Variants in PCDHGA8 observed in about 807,000 individuals in gnomAD.
PCDHGA8 encodes the protein protocadherin gamma-A8.
In PCDHGA8, 45 loss-of-function variants were observed where a neutral mutation model predicts 59.2. That is an observed-to-expected ratio of 0.76 (90% CI 0.60 to 0.98). PCDHGA8 has a LOEUF of 0.98. Ranked by LOEUF, PCDHGA8 falls within the 50% of genes least tolerant of loss-of-function variation. The pLI, the probability that PCDHGA8 is intolerant of heterozygous loss-of-function variation, is 0.00. For synonymous variants in PCDHGA8, 531 were observed against 519.0 expected (o/e 1.02, Z -0.32); for missense variants, 1,257 against 1,196.2 (o/e 1.05, Z -0.75).
At chr5:141,398,811 C>T (rs1231007055) in intron 1 of PCDHGA8, 4 of 1,613,862 alleles carry the variant, frequency 2.5e-6, no homozygotes, top group Non-Finnish European at 3.4e-6. Context: ...CCACTGAGCT[C>T]CGGATCCAGG....
At chr5:141,425,069 A>G (rs771114613) in intron 1 of PCDHGA8, among the ~76,000 whole-genome samples, 1 of 152,170 alleles carries the variant, frequency 6.6e-6, no homozygotes. Context: ...GACAAAAATA[A>G]TTTCAACTGT....
chr5:141,482,763 T>TGC (rs2099571981), intron 1 of PCDHGA8, among the ~76,000 whole-genome samples: 1 of 127,550 alleles, frequency 7.8e-6, no homozygotes, highest in African/African-American at 3.6e-5. Flanking sequence ...GGTATTTCAT[T>TGC]ATCACTGAAC....
intron 2 of PCDHGA8, among the ~76,000 whole-genome samples, chr5:141,501,290 TACACAC>T (rs55762287): frequency 0.081 from 10,957 of 136,038 alleles, 480 homozygotes; most frequent in African/African-American, 0.13. Context: ...TATTCCCTTA[TACACAC>T]ACACACACAC....
chr5:141,413,235 C>A, intron 1 of PCDHGA8: 1 of 1,613,954 alleles, frequency 6.2e-7, no homozygotes, highest in Non-Finnish European at 8.5e-7. Context: ...TGGTCCTGCT[C>A]TGCCTTTTCT....
Position 141,392,921 on chromosome 5 carries a change from A to T in PCDHGA8, c.108A>T (p.Pro36=). 1.2e-6 allele frequency: 2 copies of T among 1,613,940 alleles called. No homozygotes were observed. The highest frequency in any genetic ancestry group is 1.7e-6 in the Non-Finnish European group (2 of 1,179,904). The change falls in exon 1 of 4, where the codon CCA becomes CCT. Residue 36 remains proline (P), a synonymous_variant. Transcript: ENST00000398604. ...IGRGQIRYSV[P]EETDKGSFVG... Reference sequence around the variant, plus strand: ...GGGGACAGATTCGCTACTCTGTGCCAGAAGAGACGGACAAAGGCTCCTTCG... The same window carrying T: ...GGGGACAGATTCGCTACTCTGTGCCTGAAGAGACGGACAAAGGCTCCTTCG...
intron 2 of PCDHGA8, among the ~76,000 whole-genome samples, chr5:141,498,789 C>T (rs1302940884): frequency 6.6e-6 from 1 of 151,980 alleles, no homozygotes; most frequent in Non-Finnish European, 1.5e-5. Context: ...AAATATTAGC[C>T]AGGTGTGGTG....
chr5:141,463,438 CTTTTTTTTTTTTTTT>C (rs71576115), intron 1 of PCDHGA8, among the ~76,000 whole-genome samples: 7 of 103,256 alleles, frequency 6.8e-5, no homozygotes, highest in African/African-American at 3.1e-4. Flanking sequence ...TTTCCTTCTC[CTTTTTTTTTTTTTTT>C]TTTTTTTTTT....
intron 1 of PCDHGA8, chr5:141,440,369 G>A (rs2098171994): frequency 6.6e-6 from 1 of 152,156 alleles, no homozygotes; most frequent in African/African-American, 2.4e-5. Context: ...GGGGGGCCGA[G>A]GCAGGAGAAT....
At chr5:141,460,150 T>G (rs1169568683) in intron 1 of PCDHGA8, among the ~76,000 whole-genome samples, 1 of 152,106 alleles carries the variant, frequency 6.6e-6, no homozygotes, top group East Asian at 1.9e-4. Context: ...ATGTGAGCTC[T>G]TTGTCACATA....
At chr5:141,430,950 T>C (rs756423770) in intron 1 of PCDHGA8, 5 of 1,609,980 alleles carry the variant, frequency 3.1e-6, no homozygotes, top group East Asian at 2.2e-5. Flanking sequence ...GAGCGCGGAG[T>C]CCGCATCATC....
At chr5:141,450,241 C>T (rs1236675009) in intron 1 of PCDHGA8, among the ~76,000 whole-genome samples, 1 of 152,094 alleles carries the variant, frequency 6.6e-6, no homozygotes, top group East Asian at 1.9e-4. Flanking sequence ...TAGTCTTGAA[C>T]TCCTGACCTC....
In PCDHGA8 at chr5:141,476,245, G is replaced by C; in HGVS notation, c.2425-18562G>C. 3.1e-6 allele frequency: 5 copies of C among 1,614,086 alleles called. No homozygotes were observed. The highest frequency in any genetic ancestry group is 3.4e-6 in the Non-Finnish European group (4 of 1,180,026). On this transcript the variant is annotated intron_variant, in intron 1 of 3. Transcript: ENST00000398604. This position sits in a 1 kb window ranked among gnomAD's most constrained non-coding sequence, Gnocchi z 7.6. The stretch of plus-strand genomic sequence containing the variant: ...ATGAGATCCCGGAGGAAAGAGAGAA[G>C]GGTTTCGCTGTGGGCAACGTGGTCG...
chr5:141,403,719 C>T (rs758160960), intron 1 of PCDHGA8: 2 of 1,613,864 alleles, frequency 1.2e-6, no homozygotes, highest in Non-Finnish European at 1.7e-6. Context: ...GAGAACGTGC[C>T]CCCAGGCACC....
At chr5:141,479,120 A>T (rs1278879959) in intron 1 of PCDHGA8, among the ~76,000 whole-genome samples, 1 of 152,232 alleles carries the variant, frequency 6.6e-6, no homozygotes, top group Non-Finnish European at 1.5e-5. Context: ...TTCTACTGGA[A>T]ATGATGTGCA....
intron 1 of PCDHGA8, chr5:141,402,922 C>A: frequency 1.3e-6 from 2 of 1,576,446 alleles, no homozygotes; most frequent in Non-Finnish European, 8.6e-7. Flanking sequence ...GCACAGAGAT[C>A]CTTTTGAGAA....
intron 3 of PCDHGA8, among the ~76,000 whole-genome samples, chr5:141,507,713 C>T (rs2099862763): frequency 6.6e-6 from 1 of 152,234 alleles, no homozygotes; most frequent in Non-Finnish European, 1.5e-5. Flanking sequence ...GGCCCCAAAC[C>T]CTCCAAGCAA....
Position 141,486,271 on chromosome 5 carries a change from C to G in PCDHGA8, c.2425-8536C>G, listed in dbSNP as rs143039217. ...CCCTCCCCGAGAGTGCAGAACCTGG[C>G]ACTGTGGTGGCACTTATCAGTGTGC... On this transcript the variant is annotated intron_variant, in intron 1 of 3. Coordinates refer to ENST00000398604, the MANE Select transcript of PCDHGA8 (RefSeq NM_032088.2). The surrounding 1 kb of genome is among the most constrained non-coding windows in gnomAD (Gnocchi z 5.0). 6.2e-7 allele frequency: 1 copy of G among 1,613,968 alleles called. No homozygotes were observed. Among genetic ancestry groups the G allele is most frequent in the African/African-American group, 1.3e-5 (1 of 74,902 alleles).
Position 141,393,639 on chromosome 5 carries a change from A to G in PCDHGA8, c.826A>G (p.Lys276Glu). 1 of 1,613,964 alleles carries G rather than the reference A, an allele frequency of 6.2e-7. No individual in the cohort carries two copies. The highest frequency in any genetic ancestry group is 8.5e-7 in the Non-Finnish European group (1 of 1,179,910). ...CGACCCGGATGAGGGAATCAACGGA[A>G]AAGTGGCATACAAATTCCGGAAAAT... is the stretch of plus-strand genomic sequence containing the variant. ...ASDPDEGING[K>E]VAYKFRKINE... Residue 276 changes from lysine (K) to glutamate (E), a missense_variant, in exon 1 of 4, where the codon AAA becomes GAA. Lys to Glu is a moderately conservative substitution (Grantham distance 56, BLOSUM62 1). Coordinates refer to ENST00000398604, the MANE Select transcript of PCDHGA8 (RefSeq NM_032088.2).
chr5:141,448,966 A>G (rs981772425), intron 1 of PCDHGA8, among the ~76,000 whole-genome samples: 5 of 152,118 alleles, frequency 3.3e-5, no homozygotes, highest in Non-Finnish European at 7.4e-5. Context: ...CAAACAAACA[A>G]AAAAGAACTT....
Sources: gnomAD v4.1 joint callset for allele counts (sites outside exome capture counted in the v4.1 genomes callset) on GRCh38, gnomAD v4.1.1 for gene constraint, Gnocchi (gnomAD v3.1) non-coding constraint, MANE v1.5 for transcripts, NCBI Gene and HGNC (gene_info 2026-07-23, HGNC 2026-07-21) for gene names.